The following SLC38A4 variants were observed in gnomAD, a reference collection of about 807,000 sequenced individuals.
The protein encoded by SLC38A4 is solute carrier family 38 member 4, also known as sodium-coupled neutral amino acid transporter 4.
SLC38A4 carries 20 observed loss-of-function variants against 63.1 expected under a neutral mutation model. The observed-to-expected ratio is 0.32, with a 90% CI of 0.22 to 0.46. The LOEUF is 0.46. SLC38A4 is among the 20% of genes least tolerant of loss of function. The pLI, the probability that SLC38A4 is intolerant of heterozygous loss-of-function variation, is 1.00. For missense variants in SLC38A4, 526 were observed against 663.6 expected (o/e 0.79, Z 2.28); for synonymous variants, 230 against 225.5 (o/e 1.02, Z -0.18).
At chr12:46,802,457 A>G (rs1295058402) in intron 2 of SLC38A4, among the ~76,000 whole-genome samples, 1 of 152,036 alleles carries the variant, frequency 6.6e-6, no homozygotes, top group Non-Finnish European at 1.5e-5. Flanking sequence ...TAACTAAAAA[A>G]CAGCTTCAAT....
chr12:46,779,877 C>T lies in SLC38A4; in HGVS notation c.576-15G>A. The T allele has an allele frequency of 6.2e-7, 1 of 1,611,020 alleles. No homozygotes were observed. The highest frequency in any genetic ancestry group is 8.5e-7 in the Non-Finnish European group (1 of 1,178,062). On this transcript the variant is annotated splice_polypyrimidine_tract_variant and intron_variant, in intron 8 of 16. Transcript: ENST00000266579. ...GGTACCATTCTCTAGAAGTGAGAGA[C>T]AAGGATATTAGAATCAGAAAAGACC...
intron 1 of SLC38A4, among the ~76,000 whole-genome samples, chr12:46,805,501 T>C (rs1296219199): frequency 1.3e-5 from 2 of 152,080 alleles, no homozygotes; most frequent in Non-Finnish European, 2.9e-5. Context: ...TGGTCTGCTC[T>C]CAACAAAACT....
rs184602814 is a variant in SLC38A4, at chr12:46,803,339, T to C, written c.-113+264A>G. Among the ~76,000 whole-genome samples the C allele has an allele frequency of 3.8e-3, 578 of 152,192 alleles. 5 individuals are homozygous for C. Among genetic ancestry groups the C allele is most frequent in the Middle Eastern group, 6.8e-3 (2 of 294 alleles). On this transcript the variant is annotated intron_variant, in intron 2 of 16. Coordinates refer to ENST00000266579, the MANE Select transcript of SLC38A4 (RefSeq NM_018018.5). Reference sequence around the variant, plus strand: ...CACATTTTACCGGCTGTATTTGCAATGTTTCCCTTTCTTATTATTCACTGT... The same window carrying C: ...CACATTTTACCGGCTGTATTTGCAACGTTTCCCTTTCTTATTATTCACTGT...
intron 2 of SLC38A4, among the ~76,000 whole-genome samples, chr12:46,802,711 C>T (rs1939155563): frequency 6.6e-6 from 1 of 151,916 alleles, no homozygotes; most frequent in Non-Finnish European, 1.5e-5. Context: ...AAAACTAAAA[C>T]TTTTTAGCCC....
chr12:46,805,455 A>G (rs1183841441), intron 1 of SLC38A4, among the ~76,000 whole-genome samples: 1 of 152,042 alleles, frequency 6.6e-6, no homozygotes, highest in Non-Finnish European at 1.5e-5. Flanking sequence ...ATCATTTGAC[A>G]TTTTCAGATG....
chr12:46,826,968 T>C (rs1280002398), upstream of SLC38A4, among the ~76,000 whole-genome samples: 1 of 152,256 alleles, frequency 6.6e-6, no homozygotes, highest in Non-Finnish European at 1.5e-5. Flanking sequence ...CTTCATTCAT[T>C]CAACAAACAT....
chr12:46,815,680 G>C (rs1939429533), intron 1 of SLC38A4, among the ~76,000 whole-genome samples: 1 of 151,708 alleles, frequency 6.6e-6, no homozygotes, highest in African/African-American at 2.4e-5. Context: ...TTTGAATTCA[G>C]AATAACGATC....
chr12:46,826,226 GC>G (rs1442441789), upstream of SLC38A4, among the ~76,000 whole-genome samples: 2 of 152,300 alleles, frequency 1.3e-5, no homozygotes, highest in East Asian at 3.9e-4. Context: ...CAAAGTCCCT[GC>G]CCTTAGGAGT....
At chr12:46,830,930 G>A (rs1939723281), upstream of SLC38A4, among the ~76,000 whole-genome samples, 2 of 152,222 alleles carry the variant, frequency 1.3e-5, no homozygotes, top group Admixed American at 1.3e-4. Context: ...TTTCACAAGT[G>A]CCCGCATCAC....
intron 1 of SLC38A4, among the ~76,000 whole-genome samples, chr12:46,832,153 G>A (rs1939740189): frequency 1.3e-5 from 2 of 152,080 alleles, no homozygotes; most frequent in South Asian, 4.1e-4. Flanking sequence ...CTATGAGCAT[G>A]TCATGAAGAG....
chr12:46,811,090 T>G (rs1027052468), intron 1 of SLC38A4, among the ~76,000 whole-genome samples: 4 of 152,040 alleles, frequency 2.6e-5, no homozygotes, highest in African/African-American at 9.7e-5. Flanking sequence ...GTTTCTATTA[T>G]GGCAGAATAA....
At chr12:46,779,436 A>G (rs1032233435) in intron 10 of SLC38A4, among the ~76,000 whole-genome samples, 175 bp downstream of exon 10, 2 of 151,918 alleles carry the variant, frequency 1.3e-5, no homozygotes, top group African/African-American at 4.8e-5. Context: ...TACCTCAACT[A>G]TCTTTAAATC....
At chr12:46,784,063 C>G (rs1467264124) in intron 7 of SLC38A4, among the ~76,000 whole-genome samples, 2 of 152,004 alleles carry the variant, frequency 1.3e-5, no homozygotes, top group Non-Finnish European at 2.9e-5. Context: ...AGACTTTTGC[C>G]TTAGTAAACT....
At chr12:46,784,097 T>A (rs1938706753) in intron 7 of SLC38A4, among the ~76,000 whole-genome samples, 1 of 152,070 alleles carries the variant, frequency 6.6e-6, no homozygotes, top group Non-Finnish European at 1.5e-5. Context: ...TCTAGTGGGC[T>A]GGCTCAGTGC....
In SLC38A4 at chr12:46,787,869, G is replaced by A. The variant is rs996733165; in HGVS notation, c.326+47C>T. 5 of 1,370,644 alleles carry A rather than the reference G, an allele frequency of 3.6e-6. No individual in the cohort carries two copies. In the Admixed American group the frequency reaches 5.3e-5, roughly 14 times the overall value. 84.9% of individuals were successfully genotyped at this position (1,370,644 alleles called of 1,614,324 possible). ...GATTGTTAATTGAAAAAGCCACCAG[G>A]TATGCATGGACTTCATCACCAAATG... On this transcript the variant is annotated intron_variant, in intron 5 of 16. Transcript: ENST00000266579.
In SLC38A4 at chr12:46,786,363, C is replaced by T. The variant is rs149035945; in HGVS notation, c.327-1186G>A. Among the ~76,000 whole-genome samples the T allele has an allele frequency of 1.1e-3, 168 of 152,130 alleles. 3 individuals are homozygous for T. Among genetic ancestry groups the T allele is most frequent in the Non-Finnish European group, 6.0e-4 (41 of 67,964 alleles). ...GTCTGGGCTACTTAGACACACAAAA[C>T]ACACCCCATGATGTTTAGTGATTTA... On this transcript the variant is annotated intron_variant, in intron 5 of 16. Transcript: ENST00000266579.
chr12:46,788,520 T>A lies in SLC38A4; in HGVS notation c.210+8A>T, dbSNP rs199507065. On this transcript the variant is annotated splice_region_variant and intron_variant, in intron 4 of 16. Coordinates refer to ENST00000266579, the MANE Select transcript of SLC38A4 (RefSeq NM_018018.5). ...CCGTTTATTGCCTGAAAGCATAGAT[T>A]CACTTACGTGTTCATCAGCATAATC... 9.1e-5 allele frequency: 147 copies of A among 1,609,154 alleles called. 1 individual carries two copies. Among genetic ancestry groups the A allele is most frequent in the South Asian group, 5.6e-4 (51 of 90,942 alleles).
intron 1 of SLC38A4, among the ~76,000 whole-genome samples, chr12:46,810,232 T>G (rs1218643774): frequency 1.3e-5 from 2 of 152,018 alleles, no homozygotes; most frequent in Admixed American, 1.3e-4. Context: ...AGGGCAATTA[T>G]AATTAAAATA....
chr12:46,778,844 A>T (rs984597021), intron 10 of SLC38A4, 68 bp from the exon 11 acceptor site: 28 of 1,459,840 alleles, frequency 1.9e-5, no homozygotes, highest in Middle Eastern at 1.9e-4. Context: ...ATAAGAATCC[A>T]TATGTGTGGC....
Sources: allele counts gnomAD v4.1 joint callset (sites outside exome capture counted in the v4.1 genomes callset), GRCh38; gene constraint gnomAD v4.1.1; transcripts MANE v1.5; gene names NCBI Gene and HGNC (gene_info 2026-07-23, HGNC 2026-07-21).